Variants in TNIK observed in about 807,000 individuals in gnomAD.
TNIK encodes the protein TRAF2 and NCK interacting kinase.
Under a neutral mutation model 191.3 loss-of-function variants are expected in TNIK, and 49 were observed. The ratio of observed to expected loss-of-function variants is 0.26; its 90% CI spans 0.20 to 0.32. The LOEUF (loss-of-function observed/expected upper bound fraction) is 0.32, where lower values mean the gene tolerates loss of function less well. Among genes scored for constraint, TNIK ranks in the 10% least tolerant of loss-of-function variants. The pLI is 1.00. For synonymous variants in TNIK, 594 were observed against 600.9 expected (o/e 0.99, Z 0.17); for missense variants, 1,155 against 1,702.3 (o/e 0.68, Z 5.66).
intron 12 of TNIK, among the ~76,000 whole-genome samples, chr3:171,147,616 A>G (rs1460355523): frequency 1.3e-5 from 2 of 152,224 alleles, no homozygotes; most frequent in Non-Finnish European, 2.9e-5. Flanking sequence ...AAATAAAAAC[A>G]AAAATAATAA....
intron 2 of TNIK, among the ~76,000 whole-genome samples, chr3:171,330,428 C>A (rs1229124579): frequency 6.6e-6 from 1 of 152,178 alleles, no homozygotes; most frequent in Non-Finnish European, 1.5e-5. Flanking sequence ...TTAATGATAG[C>A]CAACCAAATT....
chr3:171,141,234 C>T (rs1439490154), intron 12 of TNIK, among the ~76,000 whole-genome samples: 1 of 152,204 alleles, frequency 6.6e-6, no homozygotes, highest in Non-Finnish European at 1.5e-5. Context: ...TATTTCATTT[C>T]ATCTTCACAA....
chr3:171,133,395 A>G (rs1729578738), intron 15 of TNIK, among the ~76,000 whole-genome samples: 1 of 152,256 alleles, frequency 6.6e-6, no homozygotes, highest in African/African-American at 2.4e-5. Context: ...CAAGAGACAG[A>G]ACACTTGTTC....
chr3:171,123,625 G>C lies in TNIK; in HGVS notation c.2091C>G (p.Pro697=). 1 of 1,571,214 alleles carries C rather than the reference G, an allele frequency of 6.4e-7. No individual in the cohort carries two copies. The highest frequency in any genetic ancestry group is 2.3e-5 in the East Asian group (1 of 43,354). Residue 697 remains proline (P), a synonymous_variant, in exon 18 of 33, where the codon CCC becomes CCG. Coordinates refer to ENST00000436636, the MANE Select transcript of TNIK (RefSeq NM_015028.4). ...CTCTGATGGGTTGAGATCCTAGTCT[G>C]GGTCCCAGAGCACTACCATTCCCAG... ...NSPGNGSALG[P]RLGSQPIRAS... is the part of the protein sequence containing the mutation.
At chr3:171,453,834 A>AC (rs1728482266) in intron 1 of TNIK, among the ~76,000 whole-genome samples, 2 of 152,020 alleles carry the variant, frequency 1.3e-5, no homozygotes, top group African/African-American at 4.8e-5. Context: ...AACTGAGGGC[A>AC]CCCCCATGAG....
At chr3:171,405,445 A>C (rs1721537624) in intron 1 of TNIK, among the ~76,000 whole-genome samples, 1 of 151,454 alleles carries the variant, frequency 6.6e-6, no homozygotes, top group Non-Finnish European at 1.5e-5. Context: ...ATAAATCATC[A>C]ATTTTCTATT....
At chr3:171,442,648 T>C (rs1726968215) in intron 1 of TNIK, among the ~76,000 whole-genome samples, 1 of 152,170 alleles carries the variant, frequency 6.6e-6, no homozygotes, top group African/African-American at 2.4e-5. Context: ...TTGTTTCCAG[T>C]GATGAGGACC....
intron 2 of TNIK, among the ~76,000 whole-genome samples, chr3:171,264,588 T>G (rs576905452): frequency 1.3e-5 from 2 of 152,234 alleles, no homozygotes; most frequent in East Asian, 3.9e-4. Flanking sequence ...TTGGGAGCAG[T>G]GTGAAACAGA....
At chr3:171,444,972 C>T (rs1319724650) in intron 1 of TNIK, among the ~76,000 whole-genome samples, 1 of 152,056 alleles carries the variant, frequency 6.6e-6, no homozygotes, top group Non-Finnish European at 1.5e-5. Context: ...ACCTTGGCCT[C>T]CCAAAGTGCT....
At chr3:171,410,265 G>A (rs1377036311) in intron 1 of TNIK, among the ~76,000 whole-genome samples, 1 of 152,170 alleles carries the variant, frequency 6.6e-6, no homozygotes, top group Non-Finnish European at 1.5e-5. Flanking sequence ...ATCTTTCATG[G>A]TTCTAGTAGC....
rs775555458 is a variant in TNIK, at chr3:171,175,237, G to A, written c.773+15C>T. The A allele has an allele frequency of 1.7e-5, 27 of 1,610,236 alleles. No individual in the cohort carries two copies. Among genetic ancestry groups the A allele is most frequent in the Middle Eastern group, 1.6e-4 (1 of 6,072 alleles). ...CTCACCCTTAGATCTGCGAAACATC[G>A]AAGACCAAACTCACCACTTCTTAGA... On this transcript the variant is annotated intron_variant, in intron 9 of 32. Coordinates refer to ENST00000436636, the MANE Select transcript of TNIK (RefSeq NM_015028.4).
chr3:171,277,883 A>T (rs190023092), intron 2 of TNIK, among the ~76,000 whole-genome samples: 189 of 152,360 alleles, frequency 1.2e-3, no homozygotes, highest in African/African-American at 4.4e-3. Context: ...AAAAGAGTCA[A>T]GCCAGATGCA....
intron 23 of TNIK, among the ~76,000 whole-genome samples, chr3:171,089,399 A>G (rs1311012060): frequency 6.6e-6 from 1 of 152,212 alleles, no homozygotes; most frequent in Non-Finnish European, 1.5e-5. Flanking sequence ...AATACTGAAA[A>G]GCTTTTAAAC....
At chr3:171,428,417 C>T (rs1438537335) in intron 1 of TNIK, among the ~76,000 whole-genome samples, 1 of 152,206 alleles carries the variant, frequency 6.6e-6, no homozygotes, top group Non-Finnish European at 1.5e-5. Context: ...ATAAGCAAGA[C>T]TGCAGGGTCA....
At chr3:171,073,552 G>C (rs1046442338) in intron 28 of TNIK, among the ~76,000 whole-genome samples, 17 of 152,126 alleles carry the variant, frequency 1.1e-4, no homozygotes, top group African/African-American at 3.6e-4. Flanking sequence ...ATGAGCTTCT[G>C]TGTGGCAAAA....
chr3:171,242,531 T>C (rs73879518), intron 2 of TNIK, among the ~76,000 whole-genome samples: 2,658 of 152,190 alleles, frequency 0.017, 69 homozygotes, highest in African/African-American at 0.059. Context: ...TTTTTTATCA[T>C]TTAACTCAGC....
chr3:171,400,649 C>T (rs887254564), intron 1 of TNIK, among the ~76,000 whole-genome samples: 11 of 151,820 alleles, frequency 7.2e-5, no homozygotes, highest in African/African-American at 2.7e-4. Context: ...CAAGAATATT[C>T]TTCCACATCC....
intron 2 of TNIK, among the ~76,000 whole-genome samples, chr3:171,274,464 C>T (rs769885353): frequency 7.9e-5 from 12 of 152,096 alleles, no homozygotes; most frequent in Non-Finnish European, 1.8e-4. Flanking sequence ...CTTCTACAGC[C>T]CCTTGAGTCT....
chr3:171,213,997 T>G (rs1298285301), intron 3 of TNIK, among the ~76,000 whole-genome samples: 1 of 152,182 alleles, frequency 6.6e-6, no homozygotes, highest in Non-Finnish European at 1.5e-5. Context: ...GGCCAAAATG[T>G]AAATCACTTG....
Sources: allele counts gnomAD v4.1 joint callset (sites outside exome capture counted in the v4.1 genomes callset), GRCh38; gene constraint gnomAD v4.1.1; transcripts MANE v1.5; gene names NCBI Gene and HGNC (gene_info 2026-07-23, HGNC 2026-07-21).